Variants in CLCN5 observed in about 807,000 individuals in gnomAD.
CLCN5 encodes Cl-/H+ antiporter 5.
A neutral mutation model predicts 54.0 loss-of-function variants in CLCN5; 17 were observed. That is an observed-to-expected ratio of 0.31 (90% CI 0.22 to 0.47). The LOEUF is 0.47. Among genes scored for constraint, CLCN5 ranks in the 20% least tolerant of loss-of-function variants. The probability of loss-of-function intolerance (pLI) is 1.00; values close to 1 mark genes in which losing one functional copy is unlikely to be tolerated. For synonymous variants in CLCN5, 222 were observed against 233.0 expected, an observed-to-expected ratio of 0.95 and a Z score of 0.43; for missense variants, 448 against 646.7, an observed-to-expected ratio of 0.69 and a Z score of 3.33.
chrX:50,066,085 C>T (rs1307580444), intron 4 of CLCN5, among the ~76,000 whole-genome samples: 3 of 102,350 alleles, frequency 2.9e-5, no homozygotes, highest in Non-Finnish European at 3.9e-5. Context: ...GTGGGTGCAG[C>T]GCACCAGCAT....
intron 3 of CLCN5, among the ~76,000 whole-genome samples, chrX:49,942,750 C>T (rs1404523339): frequency 1.8e-5 from 2 of 110,641 alleles, no homozygotes; most frequent in Admixed American, 1.9e-4. Context: ...TTTTTTATGG[C>T]TGCATAGTAT....
chrX:49,972,379 T>A (rs1299510669), intron 3 of CLCN5, among the ~76,000 whole-genome samples: 1 of 111,570 alleles, frequency 9.0e-6, no homozygotes, highest in African/African-American at 3.3e-5. Flanking sequence ...GTGTAAGTTT[T>A]ATATTGTACG....
intron 3 of CLCN5, among the ~76,000 whole-genome samples, chrX:49,990,185 A>G (rs1929187079): frequency 9.2e-6 from 1 of 108,955 alleles, no homozygotes; most frequent in Non-Finnish European, 1.9e-5. Flanking sequence ...TTTTTTTTTT[A>G]ACAGAGTCTC....
intron 3 of CLCN5, among the ~76,000 whole-genome samples, chrX:49,965,453 A>G (rs186719326): frequency 1.8e-5 from 2 of 112,063 alleles, no homozygotes; most frequent in Non-Finnish European, 3.8e-5. Context: ...ATATAGAAAT[A>G]GAATTCATTT....
At chrX:49,944,288 C>T (rs782786035) in intron 3 of CLCN5, among the ~76,000 whole-genome samples, 14 of 111,911 alleles carry the variant, frequency 1.3e-4, no homozygotes, top group Middle Eastern at 4.7e-3. Flanking sequence ...TGCCTATCAG[C>T]TTAAGGAGAT....
chrX:50,076,750 T>G (rs917479578), intron 7 of CLCN5, among the ~76,000 whole-genome samples: 1 of 111,808 alleles, frequency 8.9e-6, no homozygotes, highest in Non-Finnish European at 1.9e-5. Flanking sequence ...CCTAGGCTGG[T>G]CTCGAACTCT....
intron 3 of CLCN5, among the ~76,000 whole-genome samples, chrX:49,983,005 G>C (rs1928821285): frequency 8.9e-6 from 1 of 112,151 alleles, no homozygotes; most frequent in African/African-American, 3.2e-5. Flanking sequence ...GTATACAAAA[G>C]ACTGCACGTA....
intron 3 of CLCN5, among the ~76,000 whole-genome samples, chrX:49,966,079 G>T (rs1186616641): frequency 4.5e-5 from 5 of 110,610 alleles, no homozygotes; most frequent in Non-Finnish European, 9.5e-5. Context: ...ATCTTTGCCT[G>T]GTTTTGGTAT....
intron 2 of CLCN5, among the ~76,000 whole-genome samples, chrX:49,924,855 G>GT (rs1557167750): frequency 1.8e-5 from 2 of 112,013 alleles, no homozygotes; most frequent in Non-Finnish European, 1.9e-5. Context: ...TTGCTCTTCA[G>GT]TCTCCAAAGC....
rs781971377 is a variant in CLCN5, at chrX:50,069,889, G to A, written c.174G>A (p.Ser58=). 2.7e-5 allele frequency: 32 copies of A among 1,205,305 alleles called. No individual in the cohort carries two copies. The highest frequency in any genetic ancestry group is 3.5e-5 in the African/African-American group (2 of 57,100). Residue 58 remains serine (S), a synonymous_variant, in exon 5 of 15, where the codon TCG becomes TCA. Transcript: ENST00000376091. ...TCTTGTTCAATACAGAGGACAAGTC[G>A]TACAATGGTGGAGGAATAGGTTCTT... ...PLDREVGEDK[S]YNGGGIGSSN... is the part of the protein sequence containing the mutation.
At chrX:50,047,162 G>C (rs1248527227) in intron 4 of CLCN5, among the ~76,000 whole-genome samples, 1 of 112,074 alleles carries the variant, frequency 8.9e-6, no homozygotes, top group Non-Finnish European at 1.9e-5. Context: ...GAGAGAAACT[G>C]AAAACAAAGT....
intron 1 of CLCN5, 68 bp from the exon 2 acceptor site, chrX:49,923,339 C>T (rs1557167495): frequency 8.8e-6 from 1 of 113,013 alleles, no homozygotes; most frequent in Non-Finnish European, 1.9e-5. Context: ...TGCTCTTGAG[C>T]GCCTTGATCC....
At chrX:49,997,475 C>T (rs1929580756) in intron 3 of CLCN5, among the ~76,000 whole-genome samples, 1 of 111,009 alleles carries the variant, frequency 9.0e-6, no homozygotes, top group Non-Finnish European at 1.9e-5. Flanking sequence ...TACATTCAGT[C>T]TTCCTAGTTT....
At chrX:49,925,941 C>T (rs1437569171) in intron 3 of CLCN5, among the ~76,000 whole-genome samples, 1 of 111,591 alleles carries the variant, frequency 9.0e-6, no homozygotes. Flanking sequence ...AGCGGAGTTG[C>T]GGTTTGTGCC....
rs782758358 is a variant in CLCN5 at position 49,927,448 on chromosome X, G to A, written c.16+2134G>A. ...TTTGGATAACTGCAGCTTATCCTTT[G>A]TTTTGGCTAACCTCTGAAGTAACCA... is the stretch of plus-strand genomic sequence containing the variant. On this transcript the variant is annotated intron_variant, in intron 3 of 14. Coordinates refer to ENST00000376091, the MANE Select transcript of CLCN5 (RefSeq NM_001127898.4). 8.0e-5 allele frequency among the ~76,000 whole-genome samples: 9 copies of A among 111,998 alleles called. No homozygotes were observed. In the South Asian group the frequency reaches 3.4e-3, roughly 42 times the overall value.
At position 50,069,945 on chromosome X, in the gene CLCN5, C is replaced by T. The variant is rs1396383715; in HGVS notation, c.230C>T (p.Pro77Leu). The change falls in exon 5 of 15, where the codon CCA (proline) becomes CTA (leucine). Residue 77 changes from proline to leucine, a missense_variant. Physicochemically the swap from Pro to Leu is moderately conservative, Grantham distance 98 (BLOSUM62 -3). Transcript: ENST00000376091. ...AGGATCATGGACTTCTTGGAGGAGCCAATCCCTGGTGTAGGGACCTATGAT... is the reference window on the plus strand; with the variant it reads ...AGGATCATGGACTTCTTGGAGGAGCTAATCCCTGGTGTAGGGACCTATGAT... ...SNRIMDFLEE[P>L]IPGVGTYDDF... The T allele has an allele frequency of 1.7e-6, 2 of 1,206,422 alleles. No homozygotes were observed. Among genetic ancestry groups the T allele is most frequent in the Non-Finnish European group, 2.2e-6 (2 of 892,614 alleles).
chrX:49,952,991 T>A (rs782202713), intron 3 of CLCN5, among the ~76,000 whole-genome samples: 1 of 109,364 alleles, frequency 9.1e-6, no homozygotes, highest in African/African-American at 3.3e-5. Flanking sequence ...GTTCAAGCGA[T>A]TCTCCTGCCT....
chrX:50,068,949 A>G (rs1557191236), intron 4 of CLCN5, among the ~76,000 whole-genome samples: 1 of 111,982 alleles, frequency 8.9e-6, no homozygotes, highest in Non-Finnish European at 1.9e-5. Context: ...AATATTTTGA[A>G]TCAAGTTTAA....
rs1225731118 is a variant in CLCN5 at position 50,077,858 on chromosome X, T to C, written c.603+1876T>C. Among the ~76,000 whole-genome samples the C allele has an allele frequency of 6.2e-5, 4 of 64,505 alleles. No individual in the cohort carries two copies. The East Asian group carries it at 1.9e-3, about 31-fold the overall frequency. 56.0% of individuals were successfully genotyped at this position (64,505 alleles called of 115,157 possible). ...AAAAAAAAAAAAAAAAACATGTATA[T>C]ACACACATATATATATAAAATTAGC... On this transcript the variant is annotated intron_variant, in intron 7 of 14. Transcript: ENST00000376091.
Sources: gnomAD v4.1 joint callset for allele counts (sites outside exome capture counted in the v4.1 genomes callset) on GRCh38, gnomAD v4.1.1 for gene constraint, MANE v1.5 for transcripts, NCBI Gene and HGNC (gene_info 2026-07-23, HGNC 2026-07-21) for gene names.